The following ODAD4 variants were observed in gnomAD, a reference collection of about 807,000 sequenced individuals.
ODAD4 encodes the protein outer dynein arm-docking complex subunit 4.
A neutral mutation model predicts 51.8 loss-of-function variants in ODAD4; 49 were observed. The observed-to-expected ratio is 0.95, with a 90% CI of 0.75 to 1.20. The LOEUF is 1.20. Ranked by LOEUF, ODAD4 falls within the 50% of genes most tolerant of loss-of-function variation. The pLI is 0.00. For missense variants in ODAD4, 590 were observed against 586.5 expected, an observed-to-expected ratio of 1.01 and a Z score of -0.06; for synonymous variants, 235 against 221.3, an observed-to-expected ratio of 1.06 and a Z score of -0.55.
At chr17:41,935,498 A>G in intron 2 of ODAD4, 101 bp from the exon 3 acceptor site, 1 of 1,515,126 alleles carries the variant, frequency 6.6e-7, no homozygotes. Context: ...TGCCCCCTGT[A>G]TTCCAACCTT....
At chr17:41,951,305 G>A (rs12936724) in intron 9 of ODAD4, among the ~76,000 whole-genome samples, 1 of 151,098 alleles carries the variant, frequency 6.6e-6, no homozygotes, top group African/African-American at 2.4e-5. Context: ...GGCTGGTCTT[G>A]AACTCTTGAC....
At chr17:41,944,467 G>T (rs2050559287) in intron 7 of ODAD4, among the ~76,000 whole-genome samples, 1 of 141,792 alleles carries the variant, frequency 7.1e-6, no homozygotes, top group Non-Finnish European at 1.5e-5. Flanking sequence ...CACAGAAATT[G>T]CCTTTCTTAG....
At chr17:41,939,650 T>C (rs2050479940) in intron 7 of ODAD4, among the ~76,000 whole-genome samples, 1 of 152,066 alleles carries the variant, frequency 6.6e-6, no homozygotes, top group Non-Finnish European at 1.5e-5. Context: ...CTTGATGACA[T>C]TGGGGAACAC....
chr17:41,947,484 C>CA (rs2050604374), intron 8 of ODAD4, among the ~76,000 whole-genome samples: 1 of 144,070 alleles, frequency 6.9e-6, no homozygotes, highest in Non-Finnish European at 1.5e-5. Context: ...GACTCTGTCT[C>CA]AAAAAAATAA....
At chr17:41,960,038 C>T (rs534847791) in intron 10 of ODAD4, among the ~76,000 whole-genome samples, 3 of 152,334 alleles carry the variant, frequency 2.0e-5, no homozygotes, top group South Asian at 2.1e-4. Context: ...ATGTACCATG[C>T]GCCACATACT....
chr17:41,935,202 T>G lies in ODAD4; in HGVS notation c.115-15T>G. 1 of 1,613,760 alleles carries G rather than the reference T, an allele frequency of 6.2e-7. No individual in the cohort carries two copies. The highest frequency in any genetic ancestry group is 8.5e-7 in the Non-Finnish European group (1 of 1,179,834). On this transcript the variant is annotated splice_polypyrimidine_tract_variant and intron_variant, in intron 1 of 11. Coordinates refer to ENST00000377540, the MANE Select transcript of ODAD4 (RefSeq NM_031421.5). ...TCTTCATGCTGGCTGTCAACCTGAC[T>G]GGTTTCTTTGTCAGGCTCTTTACCT... is the stretch of plus-strand genomic sequence containing the variant.
chr17:41,936,950 G>A (rs782259385), intron 5 of ODAD4, 23 bp downstream of exon 5: 7 of 1,609,098 alleles, frequency 4.4e-6, no homozygotes, highest in Middle Eastern at 1.7e-4. Context: ...TTGTTGGCAC[G>A]GGGCCTTGGG....
At chr17:41,948,561 G>A (rs1390871118) in intron 8 of ODAD4, among the ~76,000 whole-genome samples, 1 of 151,820 alleles carries the variant, frequency 6.6e-6, no homozygotes, top group Non-Finnish European at 1.5e-5. Context: ...ATCCACCCAC[G>A]TTGGCTTCCC....
Position 41,936,923 on chromosome 17 carries a change from T to C in ODAD4, c.621T>C (p.Asp207=). 6.2e-7 allele frequency: 1 copy of C among 1,613,612 alleles called. No homozygotes were observed. The change falls in exon 5 of 12, where the codon GAT becomes GAC. Residue 207 remains aspartate (D), a synonymous_variant. Coordinates refer to ENST00000377540, the MANE Select transcript of ODAD4 (RefSeq NM_031421.5). ...DKEYLEKLLL[D]EDLIKGTMKG... is the part of the protein sequence containing the mutation. ...AGTATTTGGAGAAGCTCCTATTGGATGAAGGTTTCGGACACTTTGTTGGCA... is the reference window on the plus strand; with the variant it reads ...AGTATTTGGAGAAGCTCCTATTGGACGAAGGTTTCGGACACTTTGTTGGCA...
chr17:41,959,658 G>C (rs2050778451), intron 10 of ODAD4, among the ~76,000 whole-genome samples: 1 of 152,202 alleles, frequency 6.6e-6, no homozygotes, highest in Admixed American at 6.5e-5. Flanking sequence ...CGGCAGAAGA[G>C]AGATCCTGGC....
Position 41,945,089 on chromosome 17 carries a change from G to T in ODAD4, c.1059-47G>T, listed in dbSNP as rs150176482. ...TTCTTTCCTATTTCCACAGTGCCTA[G>T]AACAGCTGATTTCTAGTGAATGGCT... On this transcript the variant is annotated intron_variant, in intron 7 of 11. Transcript: ENST00000377540. 3.0e-4 allele frequency: 456 copies of T among 1,498,232 alleles called. 2 individuals carry two copies. The African/African-American group carries it at 5.3e-3, about 17-fold the overall frequency. 92.8% of individuals were successfully genotyped at this position (1,498,232 alleles called of 1,614,324 possible).
intron 11 of ODAD4, among the ~76,000 whole-genome samples, chr17:41,963,144 C>T (rs2050827707): frequency 2.0e-5 from 3 of 152,208 alleles, no homozygotes; most frequent in Non-Finnish European, 2.9e-5. Flanking sequence ...ACGTCCCTCT[C>T]AGAACAGCAG....
Position 41,939,033 on chromosome 17 carries a change from T to A in ODAD4, c.919T>A (p.Trp307Arg), listed in dbSNP as rs781999941. The A allele has an allele frequency of 1.2e-5, 19 of 1,613,578 alleles. No individual in the cohort carries two copies. The highest frequency in any genetic ancestry group is 1.6e-5 in the Non-Finnish European group (19 of 1,179,740). ...AEKVLKKVLE[W>R]NKEEVPNKDE... is the part of the protein sequence containing the mutation. Reference sequence around the variant, plus strand: ...GAAAGTGCTGAAGAAGGTACTGGAATGGAACAAGGAAGAGGTACCCAACAA... The same window carrying A: ...GAAAGTGCTGAAGAAGGTACTGGAAAGGAACAAGGAAGAGGTACCCAACAA... Residue 307 changes from tryptophan to arginine, a missense_variant, in exon 7 of 12, where the codon TGG (tryptophan) becomes AGG (arginine). This residue lies in a region of ODAD4 where 360 missense variants were observed against 407.5 expected (regional missense o/e 0.88). Coordinates refer to ENST00000377540, the MANE Select transcript of ODAD4 (RefSeq NM_031421.5).
intron 1 of ODAD4, among the ~76,000 whole-genome samples, chr17:41,934,809 G>C (rs1236935408): frequency 6.6e-6 from 1 of 152,210 alleles, no homozygotes; most frequent in Non-Finnish European, 1.5e-5. Flanking sequence ...TGAGTATGAT[G>C]TGTTGCCATT....
intron 11 of ODAD4, among the ~76,000 whole-genome samples, chr17:41,962,709 C>T (rs190113865): frequency 8.5e-5 from 13 of 152,174 alleles, no homozygotes; most frequent in Admixed American, 2.0e-4. Context: ...ACCCACGCGT[C>T]GGCCCGTGCC....
At chr17:41,947,654 G>A (rs1276817341) in intron 8 of ODAD4, among the ~76,000 whole-genome samples, 2 of 151,556 alleles carry the variant, frequency 1.3e-5, no homozygotes, top group African/African-American at 4.9e-5. Flanking sequence ...AATTAGCCAG[G>A]CGTGGTGGCA....
intron 9 of ODAD4, among the ~76,000 whole-genome samples, chr17:41,950,053 T>G (rs1358102708): frequency 6.6e-6 from 1 of 151,952 alleles, no homozygotes; most frequent in Non-Finnish European, 1.5e-5. Context: ...CACTGCAACC[T>G]TGGCCTCCCG....
At chr17:41,947,883 G>T (rs1015245859) in intron 8 of ODAD4, among the ~76,000 whole-genome samples, 36 of 152,282 alleles carry the variant, frequency 2.4e-4, no homozygotes, top group Middle Eastern at 6.8e-3. Context: ...ACTTTGGGAG[G>T]CTGAGGCGGG....
intron 5 of ODAD4, 185 bp downstream of exon 5, chr17:41,937,112 A>G: frequency 1.5e-6 from 1 of 660,754 alleles, no homozygotes; most frequent in Non-Finnish European, 2.5e-6. Flanking sequence ...AACTAAGGTC[A>G]TATATAGGTA....
Sources: allele counts gnomAD v4.1 joint callset (sites outside exome capture counted in the v4.1 genomes callset), GRCh38; gene constraint gnomAD v4.1.1; regional missense constraint gnomAD v4.1.1; transcripts MANE v1.5; gene names NCBI Gene and HGNC (gene_info 2026-07-23, HGNC 2026-07-21).